The following ZBED6 variants were observed in gnomAD, a reference collection of about 807,000 sequenced individuals.
The protein encoded by ZBED6 is zinc finger BED domain-containing protein 6.
Under a neutral mutation model 58.4 loss-of-function variants are expected in ZBED6, and 40 were observed. That is an observed-to-expected ratio of 0.68 (90% CI 0.53 to 0.89). The LOEUF is 0.89. ZBED6 is among the 40% of genes least tolerant of loss of function. The pLI is 0.00. For missense variants in ZBED6, 1,057 were observed against 1,003.9 expected, an observed-to-expected ratio of 1.05 and a Z score of -0.71; for synonymous variants, 439 against 350.6, an observed-to-expected ratio of 1.25 and a Z score of -2.82.
chr1:203,815,132 A>G (rs538707192), intron 1 of ZBED6, among the ~76,000 whole-genome samples: 14 of 150,998 alleles, frequency 9.3e-5, no homozygotes, highest in African/African-American at 2.7e-4. Flanking sequence ...GCCTGGCCAT[A>G]TATCATAATT....
At chr1:203,814,742 T>C (rs1675686014) in intron 1 of ZBED6, among the ~76,000 whole-genome samples, 1 of 152,224 alleles carries the variant, frequency 6.6e-6, no homozygotes, top group Non-Finnish European at 1.5e-5. Context: ...TTTTTTGTTT[T>C]TGGTTTTTTA....
chr1:203,806,308 CT>C (rs201752688), intron 1 of ZBED6: 6,624 of 207,258 alleles, frequency 0.032, 10 homozygotes, highest in East Asian at 0.081. Context: ...TTTCTTTTTC[CT>C]TTTTTTTTTT....
chr1:203,850,410 G>C, intron 14 of ZBED6, 105 bp from the exon 15 acceptor site: 2 of 1,469,424 alleles, frequency 1.4e-6, no homozygotes, highest in Non-Finnish European at 1.9e-6. Flanking sequence ...TGAATTATTT[G>C]TGGTATTTCT....
At chr1:203,815,217 T>TTTTC (rs1491122967) in intron 1 of ZBED6, among the ~76,000 whole-genome samples, 1 of 5,838 alleles carries the variant, frequency 1.7e-4, no homozygotes, top group Admixed American at 4.0e-3. Context: ...TTTTCTTTTC[T>TTTTC]TTTTTTTTTT....
At chr1:203,797,544 G>A in exon 1 of ZBED6, 4 of 1,524,790 alleles carry the variant, frequency 2.6e-6, no homozygotes, top group Non-Finnish European at 2.6e-6. Context: ...TACTCTAAGT[G>A]TACCAGTTTC....
At chr1:203,841,550 C>G (rs920023524) in intron 11 of ZBED6, among the ~76,000 whole-genome samples, 2 of 152,250 alleles carry the variant, frequency 1.3e-5, no homozygotes, top group Non-Finnish European at 2.9e-5. Context: ...CCCATGTCTA[C>G]TTCTTTCTAC....
chr1:203,806,129 C>A, intron 1 of ZBED6: 1 of 502,892 alleles, frequency 2.0e-6, no homozygotes. Context: ...TTGATCTGGT[C>A]CTTATACTTC....
chr1:203,810,151 T>G (rs1361747902), intron 1 of ZBED6, among the ~76,000 whole-genome samples: 1 of 151,046 alleles, frequency 6.6e-6, no homozygotes, highest in African/African-American at 2.4e-5. Context: ...TGTTTTTTGT[T>G]TTTTTTTTAA....
intron 1 of ZBED6, among the ~76,000 whole-genome samples, chr1:203,808,565 A>G (rs1203193204): frequency 1.3e-5 from 2 of 152,290 alleles, no homozygotes; most frequent in Admixed American, 6.5e-5. Flanking sequence ...ATTTCTATTT[A>G]TAGAAATTGA....
chr1:203,818,436 G>C, intron 2 of ZBED6, 134 bp from the exon 3 acceptor site: 2 of 1,169,852 alleles, frequency 1.7e-6, no homozygotes, highest in Admixed American at 4.9e-5. Context: ...GTCATTCCAT[G>C]TCCATTGTTT....
intron 10 of ZBED6, among the ~76,000 whole-genome samples, chr1:203,839,265 A>C (rs1685336658): frequency 6.6e-6 from 1 of 152,210 alleles, no homozygotes; most frequent in Non-Finnish European, 1.5e-5. Context: ...GGCTGGATTC[A>C]AATTTCTGGC....
chr1:203,822,326 C>T (rs1450167564), intron 3 of ZBED6, among the ~76,000 whole-genome samples: 1 of 152,096 alleles, frequency 6.6e-6, no homozygotes, highest in Non-Finnish European at 1.5e-5. Flanking sequence ...GGACACCTTT[C>T]TCACCATGTT....
intron 11 of ZBED6, 76 bp from the exon 12 acceptor site, chr1:203,847,108 C>T: frequency 1.3e-6 from 2 of 1,509,352 alleles, no homozygotes; most frequent in Non-Finnish European, 1.8e-6. Flanking sequence ...CTGTCTTGAT[C>T]CAAGAATAGA....
In ZBED6 at chr1:203,830,925, A is replaced by ATTTTTTTTTTTT. The variant is rs774771270; in HGVS notation, c.*3400-709_*3400-698dup. ...GATTGCTCTGTATTTCCAACCCCCA[A>ATTTTTTTTTTTT]TTTTTTTTTTTTTTTTTTTTTTTTT... On this transcript the variant is annotated intron_variant, in intron 7 of 16. Transcript: ENST00000550078. Among the ~76,000 whole-genome samples the ATTTTTTTTTTTT allele has an allele frequency of 2.1e-4, 11 of 51,384 alleles. 1 individual carries two copies. Among genetic ancestry groups the ATTTTTTTTTTTT allele is most frequent in the Non-Finnish European group, 3.0e-4 (8 of 27,064 alleles). The allele number at this position is 51,384 out of a possible 152,430, so 33.7% of individuals were successfully genotyped here.
exon 1 of ZBED6, chr1:203,798,210 A>C (rs1226788379): frequency 5.2e-6 from 8 of 1,536,190 alleles, no homozygotes; most frequent in Non-Finnish European, 7.0e-6. Flanking sequence ...TAGAATGGGC[A>C]AGAAGCATGA....
intron 9 of ZBED6, among the ~76,000 whole-genome samples, chr1:203,836,487 C>T (rs1048208612): frequency 2.6e-5 from 4 of 152,196 alleles, no homozygotes; most frequent in South Asian, 2.1e-4. Flanking sequence ...CGGTAGCTTA[C>T]GCCTGTAATC....
intron 16 of ZBED6, among the ~76,000 whole-genome samples, chr1:203,851,325 G>T (rs992403261): frequency 9.2e-5 from 14 of 152,226 alleles, no homozygotes; most frequent in African/African-American, 2.9e-4. Flanking sequence ...TTACCTAAAA[G>T]ATGTTTTTTT....
intron 13 of ZBED6, among the ~76,000 whole-genome samples, 192 bp from the exon 14 acceptor site, chr1:203,849,519 A>G (rs1320648783): frequency 1.3e-5 from 2 of 152,192 alleles, no homozygotes; most frequent in Admixed American, 6.5e-5. Flanking sequence ...GTTTTTTATT[A>G]TTCCATACAT....
chr1:203,827,117 A>G (rs952922147), intron 3 of ZBED6, among the ~76,000 whole-genome samples: 6 of 152,154 alleles, frequency 3.9e-5, no homozygotes, highest in African/African-American at 1.2e-4. Flanking sequence ...GAGTATAGCA[A>G]TGGTTTATTC....
Sources: gnomAD v4.1 joint callset for allele counts (sites outside exome capture counted in the v4.1 genomes callset) on GRCh38, gnomAD v4.1.1 for gene constraint, MANE v1.5 for transcripts, NCBI Gene and HGNC (gene_info 2026-07-23, HGNC 2026-07-21) for gene names.